Variants in DCDC1 observed in about 807,000 individuals in gnomAD.
The protein encoded by DCDC1 is doublecortin domain-containing protein 1.
DCDC1 carries 200 observed loss-of-function variants against 178.3 expected under a neutral mutation model. The observed-to-expected ratio is 1.12, with a 90% CI of 1.00 to 1.26. The LOEUF is 1.26. Among genes scored for constraint, DCDC1 ranks in the 50% most tolerant of loss-of-function variants. The pLI is 0.00. For synonymous variants in DCDC1, 690 were observed against 604.8 expected, an observed-to-expected ratio of 1.14 and a Z score of -2.07; for missense variants, 1,983 against 1,749.2, an observed-to-expected ratio of 1.13 and a Z score of -2.38.
intron 20 of DCDC1, among the ~76,000 whole-genome samples, chr11:31,000,210 C>T (rs1951494703): frequency 6.6e-6 from 1 of 152,158 alleles, no homozygotes; most frequent in Admixed American, 6.5e-5. Flanking sequence ...TAAATCCATT[C>T]ATTCAAGCGT....
At position 31,035,991 on chromosome 11, in the gene DCDC1, C is replaced by T. The variant is rs75316317; in HGVS notation, c.2591+28478G>A. ...GCTCAAATCGTTCCAGCTTTGGCCA[C>T]TGAGAGATTTTTTCAGATTGGCTCC... On this transcript the variant is annotated intron_variant, in intron 20 of 38. Coordinates refer to ENST00000684477, the MANE Select transcript of DCDC1 (RefSeq NM_001387274.1). 4.1e-3 allele frequency among the ~76,000 whole-genome samples: 620 copies of T among 152,312 alleles called. 7 individuals carry two copies. Among genetic ancestry groups the T allele is most frequent in the African/African-American group, 0.014 (594 of 41,570 alleles).
chr11:30,892,698 T>C, intron 36 of DCDC1, 120 bp downstream of exon 36: 1 of 1,138,156 alleles, frequency 8.8e-7, no homozygotes, highest in Non-Finnish European at 1.3e-6. Flanking sequence ...GTACTGTTAC[T>C]ATTTTGTGGA....
intron 27 of DCDC1, among the ~76,000 whole-genome samples, chr11:30,913,692 T>TTA (rs1177184083): frequency 1.3e-5 from 2 of 152,204 alleles, no homozygotes; most frequent in Admixed American, 1.3e-4. Flanking sequence ...CTCTTCTGTG[T>TTA]TATACATGGT....
chr11:30,917,182 T>C (rs1226867716), intron 25 of DCDC1, among the ~76,000 whole-genome samples, 154 bp from the exon 26 acceptor site: 1 of 152,160 alleles, frequency 6.6e-6, no homozygotes, highest in Non-Finnish European at 1.5e-5. Context: ...AATTCACATC[T>C]CACTAATACA....
chr11:31,174,208 C>T (rs1164214700), intron 9 of DCDC1, among the ~76,000 whole-genome samples: 1 of 152,318 alleles, frequency 6.6e-6, no homozygotes, highest in Non-Finnish European at 1.5e-5. Context: ...CTGTCAGAGG[C>T]CTGGGAAGGC....
rs529437845 is a variant in DCDC1, at chr11:31,083,891, G to C, written c.2238-5966C>G. 5.3e-5 allele frequency among the ~76,000 whole-genome samples: 8 copies of C among 152,290 alleles called. No homozygotes were observed. The East Asian group carries it at 1.5e-3, about 29-fold the overall frequency. ...CTGCATATCTGCAATCCTTAAAAATGAAGCAATATCAATATTGAATGGTGC... is the reference window on the plus strand; with the variant it reads ...CTGCATATCTGCAATCCTTAAAAATCAAGCAATATCAATATTGAATGGTGC... On this transcript the variant is annotated intron_variant, in intron 17 of 38. Transcript: ENST00000684477.
intron 9 of DCDC1, among the ~76,000 whole-genome samples, chr11:31,151,872 G>A (rs545714758): frequency 6.6e-6 from 1 of 150,666 alleles, no homozygotes; most frequent in African/African-American, 2.5e-5. Flanking sequence ...GTTTCCATTA[G>A]AAGGTATAAG....
intron 10 of DCDC1, among the ~76,000 whole-genome samples, chr11:31,135,859 T>C (rs908365339): frequency 1.3e-5 from 2 of 152,164 alleles, no homozygotes; most frequent in African/African-American, 4.8e-5. Flanking sequence ...CCAGAAAAGA[T>C]AATTTTCATT....
In DCDC1 at chr11:31,299,028, G is replaced by A. The variant is rs183741049; in HGVS notation, c.754+6587C>T. Among the ~76,000 whole-genome samples, 33 of 152,250 alleles carry A rather than the reference G, an allele frequency of 2.2e-4. No homozygotes were observed. The East Asian group carries it at 6.2e-3, about 28-fold the overall frequency. On this transcript the variant is annotated intron_variant, in intron 6 of 38. Coordinates refer to ENST00000684477, the MANE Select transcript of DCDC1 (RefSeq NM_001387274.1). The stretch of plus-strand genomic sequence containing the variant: ...TGAGTTTATAAAATACAAATGCTCC[G>A]ACAGTAAGAAAACATACTGCTATAT...
At chr11:30,993,721 C>T (rs983712205) in intron 20 of DCDC1, among the ~76,000 whole-genome samples, 2 of 151,936 alleles carry the variant, frequency 1.3e-5, no homozygotes, top group Non-Finnish European at 2.9e-5. Context: ...AATATAACAA[C>T]TATTTGAAAG....
At chr11:31,306,565 A>G (rs1948476345) in intron 4 of DCDC1, among the ~76,000 whole-genome samples, 177 bp from the exon 5 acceptor site, 1 of 152,066 alleles carries the variant, frequency 6.6e-6, no homozygotes, top group Admixed American at 6.6e-5. Context: ...TAACACTCTC[A>G]CTATTTAAAT....
intron 20 of DCDC1, chr11:30,992,353 C>CAGT (rs1431932507): frequency 5.9e-5 from 9 of 152,182 alleles, no homozygotes; most frequent in African/African-American, 1.7e-4. Context: ...CCAAGACAGG[C>CAGT]TACTTAACAG....
chr11:31,261,496 T>C (rs905776960), intron 8 of DCDC1, among the ~76,000 whole-genome samples: 3 of 152,070 alleles, frequency 2.0e-5, no homozygotes, highest in African/African-American at 7.2e-5. Flanking sequence ...AAAATAATAA[T>C]AACAATACAG....
intron 18 of DCDC1, among the ~76,000 whole-genome samples, chr11:31,071,133 TAAATA>T (rs1956533455): frequency 1.3e-5 from 2 of 152,174 alleles, no homozygotes; most frequent in African/African-American, 4.8e-5. Flanking sequence ...ATAAATGTAA[TAAATA>T]AAATATTGTT....
intron 10 of DCDC1, among the ~76,000 whole-genome samples, chr11:31,129,122 G>A (rs1962067721): frequency 6.6e-6 from 1 of 152,022 alleles, no homozygotes; most frequent in South Asian, 2.1e-4. Context: ...CTTCTGCAGA[G>A]CATTCAGAGA....
At chr11:31,134,459 T>C (rs1962872850) in intron 10 of DCDC1, among the ~76,000 whole-genome samples, 1 of 152,222 alleles carries the variant, frequency 6.6e-6, no homozygotes, top group Admixed American at 6.5e-5. Context: ...GCCAAATCTT[T>C]AGACTTCACA....
chr11:31,012,740 T>A (rs1053911402), intron 20 of DCDC1, among the ~76,000 whole-genome samples: 1 of 152,122 alleles, frequency 6.6e-6, no homozygotes, highest in Non-Finnish European at 1.5e-5. Context: ...GATCAATGTA[T>A]AACCATAAGT....
intron 1 of DCDC1, among the ~76,000 whole-genome samples, chr11:31,349,157 A>G (rs1950955606): frequency 6.6e-6 from 1 of 152,204 alleles, no homozygotes; most frequent in Admixed American, 6.5e-5. Context: ...ACAAACTAAT[A>G]TCCTACGGTA....
At chr11:31,298,844 A>T (rs1018936329) in intron 6 of DCDC1, among the ~76,000 whole-genome samples, 2 of 152,206 alleles carry the variant, frequency 1.3e-5, no homozygotes, top group African/African-American at 4.8e-5. Flanking sequence ...TTCTAGAATA[A>T]AAAGCAGCAA....
Sources: gnomAD v4.1 joint callset for allele counts (sites outside exome capture counted in the v4.1 genomes callset) on GRCh38, gnomAD v4.1.1 for gene constraint, MANE v1.5 for transcripts, NCBI Gene and HGNC (gene_info 2026-07-23, HGNC 2026-07-21) for gene names.